ARMC8: variants seen among roughly 807,000 people sequenced by gnomAD.
The protein encoded by ARMC8 is armadillo repeat-containing protein 8.
A neutral mutation model predicts 99.3 loss-of-function variants in ARMC8; 20 were observed. The observed-to-expected ratio is 0.20, with a 90% confidence interval of 0.14 to 0.29. The LOEUF (loss-of-function observed/expected upper bound fraction) is 0.29. Ranked by LOEUF, ARMC8 falls within the 10% of genes least tolerant of loss-of-function variation. ARMC8 has a pLI of 1.00. For synonymous variants in ARMC8, 263 were observed against 278.3 expected (o/e 0.95, Z 0.55); for missense variants, 569 against 809.5 (o/e 0.70, Z 3.60).
At chr3:138,224,508 G>A (rs1459270498) in intron 5 of ARMC8, among the ~76,000 whole-genome samples, 1 of 152,176 alleles carries the variant, frequency 6.6e-6, no homozygotes, top group East Asian at 1.9e-4. Flanking sequence ...CTAGCAGTTT[G>A]GGAGTTCAAG....
At chr3:138,234,118 T>C (rs539922631) in intron 6 of ARMC8, among the ~76,000 whole-genome samples, 1 of 152,200 alleles carries the variant, frequency 6.6e-6, no homozygotes, top group East Asian at 1.9e-4. Context: ...TTTTGTTTTT[T>C]TTTTTGAGAC....
chr3:138,245,511 G>C (rs1410328726), intron 12 of ARMC8: 2 of 1,217,076 alleles, frequency 1.6e-6, no homozygotes, highest in Non-Finnish European at 2.0e-6. Context: ...CAGACACCTT[G>C]AAAGTCCTAA....
At chr3:138,198,915 G>T (rs1329953992) in intron 1 of ARMC8, among the ~76,000 whole-genome samples, 1 of 151,936 alleles carries the variant, frequency 6.6e-6, no homozygotes, top group Non-Finnish European at 1.5e-5. Flanking sequence ...TCTTTGCTGA[G>T]AAGTCAGGCT....
At chr3:138,271,700 A>C (rs1008151157) in intron 16 of ARMC8, among the ~76,000 whole-genome samples, 2 of 152,132 alleles carry the variant, frequency 1.3e-5, no homozygotes, top group Non-Finnish European at 2.9e-5. Context: ...TTATTATGTA[A>C]CTTGATGGCT....
At chr3:138,288,798 C>T (rs530940847) in intron 19 of ARMC8, among the ~76,000 whole-genome samples, 5 of 152,128 alleles carry the variant, frequency 3.3e-5, no homozygotes, top group South Asian at 4.2e-4. Context: ...CCACTACACC[C>T]GGCAAATTTT....
At chr3:138,274,196 TTATG>T (rs562378964) in intron 17 of ARMC8, among the ~76,000 whole-genome samples, 12 of 151,816 alleles carry the variant, frequency 7.9e-5, no homozygotes, top group Admixed American at 5.9e-4. Flanking sequence ...CAGGTCAACT[TTATG>T]TATGTATGTA....
chr3:138,264,389 G>A (rs913699544), intron 14 of ARMC8, among the ~76,000 whole-genome samples, 177 bp downstream of exon 14: 1 of 150,802 alleles, frequency 6.6e-6, no homozygotes, highest in Non-Finnish European at 1.5e-5. Context: ...GTGTGAGGGG[G>A]AACTACAGGC....
At chr3:138,191,540 C>A (rs2043382403) in intron 1 of ARMC8, among the ~76,000 whole-genome samples, 1 of 152,058 alleles carries the variant, frequency 6.6e-6, no homozygotes, top group Non-Finnish European at 1.5e-5. Flanking sequence ...GTTTCTGTAT[C>A]ATTTTATCAC....
chr3:138,267,145 A>C lies in ARMC8; in HGVS notation c.1300-10A>C. On this transcript the variant is annotated splice_polypyrimidine_tract_variant and intron_variant, in intron 14 of 21. Transcript: ENST00000469044. ...CAAATCATTAGTAGTATCCTTTTTT[A>C]ATTCCATAGGTTTTACAAAATGCAC... 1 of 1,465,926 alleles carries C rather than the reference A, an allele frequency of 6.8e-7. No homozygotes were observed. The highest frequency in any genetic ancestry group is 9.3e-7 in the Non-Finnish European group (1 of 1,073,090). The allele number at this position is 1,465,926 out of a possible 1,614,324, so 90.8% of individuals were successfully genotyped here. A position where few individuals can be genotyped will look rare whatever the true frequency, so the allele number is the denominator to read the frequency against.
intron 15 of ARMC8, among the ~76,000 whole-genome samples, chr3:138,269,446 G>T (rs2048573039): frequency 6.6e-6 from 1 of 152,160 alleles, no homozygotes; most frequent in African/African-American, 2.4e-5. Flanking sequence ...GTAAAATGTG[G>T]CATGACTGTA....
intron 1 of ARMC8, among the ~76,000 whole-genome samples, chr3:138,203,623 G>T (rs2044199189): frequency 6.6e-6 from 1 of 152,178 alleles, no homozygotes; most frequent in Admixed American, 6.5e-5. Flanking sequence ...TATTACCTCT[G>T]CTGCATTCCA....
At chr3:138,268,095 T>C (rs1042049728) in intron 15 of ARMC8, among the ~76,000 whole-genome samples, 1 of 151,900 alleles carries the variant, frequency 6.6e-6, no homozygotes, top group Non-Finnish European at 1.5e-5. Flanking sequence ...GTACAAAAAT[T>C]AGCCGGGGGT....
intron 6 of ARMC8, among the ~76,000 whole-genome samples, chr3:138,230,472 G>A (rs1259788802): frequency 6.6e-6 from 1 of 152,004 alleles, no homozygotes; most frequent in Non-Finnish European, 1.5e-5. Context: ...GCAACATGGC[G>A]AAACCCCATC....
intron 7 of ARMC8, 152 bp from the exon 8 acceptor site, chr3:138,237,157 G>A (rs2046374811): frequency 1.5e-6 from 1 of 646,102 alleles, no homozygotes; most frequent in South Asian, 1.9e-5. Context: ...ACTGTACTCT[G>A]CAGCTGTACA....
At chr3:138,271,798 C>CTTTTTT (rs776320900) in intron 16 of ARMC8, among the ~76,000 whole-genome samples, 14 of 136,132 alleles carry the variant, frequency 1.0e-4, no homozygotes, top group African/African-American at 4.0e-4. Context: ...TTTTTTCTTT[C>CTTTTTT]TTTTTTTTTT....
chr3:138,263,939 G>A lies in ARMC8; in HGVS notation c.1217+118G>A. On this transcript the variant is annotated intron_variant, in intron 13 of 21. Coordinates refer to ENST00000469044, the MANE Select transcript of ARMC8 (RefSeq NM_001363941.2). Reference sequence around the variant, plus strand: ...ATGTTCCTCAAAAATCTGCTCAGGTGAATTCATAGAGTATATAACATTGTC... The same window carrying A: ...ATGTTCCTCAAAAATCTGCTCAGGTAAATTCATAGAGTATATAACATTGTC... 7 of 1,071,234 alleles carry A rather than the reference G, an allele frequency of 6.5e-6. No individual in the cohort carries two copies. The South Asian group carries it at 9.1e-5, about 14-fold the overall frequency. The allele number at this position is 1,071,234 out of a possible 1,614,324, so 66.4% of individuals were successfully genotyped here.
At chr3:138,252,861 A>C (rs2047209967) in intron 12 of ARMC8, among the ~76,000 whole-genome samples, 2 of 151,262 alleles carry the variant, frequency 1.3e-5, no homozygotes, top group African/African-American at 4.9e-5. Context: ...CAGGGCCCTG[A>C]CCAGAAGAGG....
At chr3:138,208,800 A>G (rs748625692) in intron 1 of ARMC8, among the ~76,000 whole-genome samples, 3 of 152,238 alleles carry the variant, frequency 2.0e-5, no homozygotes, top group Non-Finnish European at 2.9e-5. Flanking sequence ...TAAATATTAA[A>G]AAAGAGTTAC....
chr3:138,191,572 A>T (rs2043384038), intron 1 of ARMC8, among the ~76,000 whole-genome samples: 1 of 152,038 alleles, frequency 6.6e-6, no homozygotes, highest in African/African-American at 2.4e-5. Flanking sequence ...TGTTACCATT[A>T]CCACCACTGT....
Sources: allele counts gnomAD v4.1 joint callset (sites outside exome capture counted in the v4.1 genomes callset), GRCh38; gene constraint gnomAD v4.1.1; transcripts MANE v1.5; gene names NCBI Gene and HGNC (gene_info 2026-07-23, HGNC 2026-07-21).